MPZL1: variants seen among roughly 807,000 people sequenced by gnomAD.
The protein encoded by MPZL1 is myelin protein zero like 1.
In MPZL1, 16 loss-of-function variants were observed where a neutral mutation model predicts 29.3. The ratio of observed to expected loss-of-function variants is 0.55; its 90% CI spans 0.37 to 0.83. The LOEUF is 0.83. Among genes scored for constraint, MPZL1 ranks in the 40% least tolerant of loss-of-function variants. The pLI is 0.00. For missense variants in MPZL1, 279 were observed against 332.9 expected, an observed-to-expected ratio of 0.84 and a Z score of 1.26; for synonymous variants, 143 against 132.0, an observed-to-expected ratio of 1.08 and a Z score of -0.57.
At chr1:167,767,358 T>G (rs1661135520) in intron 2 of MPZL1, among the ~76,000 whole-genome samples, 1 of 152,216 alleles carries the variant, frequency 6.6e-6, no homozygotes, top group Non-Finnish European at 1.5e-5. Context: ...CCCACTGAAG[T>G]CTTCTGCAAG....
rs200962818 is a variant in MPZL1 at position 167,755,935 on chromosome 1, A to AGG, written c.92-9647_92-9646dup. On this transcript the variant is annotated intron_variant, in intron 1 of 5. Coordinates refer to ENST00000359523, the MANE Select transcript of MPZL1 (RefSeq NM_003953.6). ...AGAGAGATGAACAGTACATATATAG[A>AGG]GGAGGGCAAGAAGAAATCCCAGGGC... Among the ~76,000 whole-genome samples the AGG allele has an allele frequency of 4.5e-3, 688 of 152,272 alleles. 6 individuals carry two copies. Among genetic ancestry groups the AGG allele is most frequent in the African/African-American group, 0.016 (646 of 41,558 alleles).
intron 5 of MPZL1, among the ~76,000 whole-genome samples, chr1:167,777,622 G>A (rs1198972517): frequency 1.3e-5 from 2 of 152,152 alleles, no homozygotes; most frequent in Non-Finnish European, 2.9e-5. Flanking sequence ...GATTTGGAGC[G>A]GGGTCCCCTT....
intron 1 of MPZL1, among the ~76,000 whole-genome samples, chr1:167,761,477 A>C (rs1359179030): frequency 1.3e-5 from 2 of 152,154 alleles, no homozygotes; most frequent in Non-Finnish European, 2.9e-5. Context: ...ATGGGCACAG[A>C]TGCAGGGAGG....
At chr1:167,768,254 T>G (rs1376820283) in intron 2 of MPZL1, among the ~76,000 whole-genome samples, 1 of 152,200 alleles carries the variant, frequency 6.6e-6, no homozygotes, top group African/African-American at 2.4e-5. Context: ...GCCTACCACT[T>G]TAGCCTCACT....
intron 1 of MPZL1, among the ~76,000 whole-genome samples, chr1:167,739,308 T>TATATAC (rs1293142491): frequency 3.8e-5 from 3 of 77,944 alleles, no homozygotes; most frequent in African/African-American, 2.1e-4. Context: ...TATATATATA[T>TATATAC]ACACATATAT....
chr1:167,775,959 T>C (rs1415584549), intron 4 of MPZL1, 105 bp from the exon 5 acceptor site: 4 of 648,618 alleles, frequency 6.2e-6, no homozygotes, highest in African/African-American at 5.7e-5. Flanking sequence ...TGTTTTTATA[T>C]ATCTGTTGCT....
At chr1:167,772,921 T>C (rs1405115203) in intron 3 of MPZL1, among the ~76,000 whole-genome samples, 4 of 152,354 alleles carry the variant, frequency 2.6e-5, no homozygotes, top group African/African-American at 9.6e-5. Context: ...CAGGTTCTGG[T>C]GTCTCATTTT....
At chr1:167,734,211 G>A (rs962853512) in intron 1 of MPZL1, among the ~76,000 whole-genome samples, 3 of 151,508 alleles carry the variant, frequency 2.0e-5, no homozygotes, top group Admixed American at 6.6e-5. Flanking sequence ...AGCCAAGATT[G>A]CGCCACTGCA....
intron 5 of MPZL1, among the ~76,000 whole-genome samples, chr1:167,787,443 G>A (rs1255929225): frequency 1.3e-5 from 2 of 152,154 alleles, no homozygotes; most frequent in Non-Finnish European, 2.9e-5. Flanking sequence ...TCTCAGGTGC[G>A]TGGAAGTTCC....
chr1:167,764,761 GAAT>G (rs1224602940), intron 1 of MPZL1, among the ~76,000 whole-genome samples: 35 of 152,150 alleles, frequency 2.3e-4, no homozygotes, highest in Non-Finnish European at 4.4e-4. Flanking sequence ...GTAGGTGAAT[GAAT>G]AAACTGTGGT....
At chr1:167,742,720 TA>T (rs1412596710) in intron 1 of MPZL1, among the ~76,000 whole-genome samples, 6 of 152,146 alleles carry the variant, frequency 3.9e-5, no homozygotes, top group African/African-American at 1.4e-4. Context: ...AGCTAATGTC[TA>T]GAAGGGTTTT....
chr1:167,737,415 G>A (rs1444724773), intron 1 of MPZL1, among the ~76,000 whole-genome samples: 5 of 152,192 alleles, frequency 3.3e-5, no homozygotes, highest in Non-Finnish European at 7.3e-5. Context: ...ATGAGGCTGG[G>A]GAGGGAACTG....
intron 2 of MPZL1, among the ~76,000 whole-genome samples, chr1:167,766,769 T>C (rs767339771): frequency 2.0e-5 from 3 of 152,170 alleles, no homozygotes; most frequent in Non-Finnish European, 4.4e-5. Context: ...AGACACTGAC[T>C]CAAGAGTTAT....
chr1:167,744,182 T>C (rs755488490), intron 1 of MPZL1, among the ~76,000 whole-genome samples: 20 of 152,090 alleles, frequency 1.3e-4, no homozygotes, highest in Non-Finnish European at 2.4e-4. Context: ...TATGAGAAAC[T>C]GAGGCATGGA....
chr1:167,787,829 A>G lies in MPZL1; in HGVS notation c.718A>G (p.Ile240Val). The change falls in exon 6 of 6, where the codon ATA (isoleucine) becomes GTA (valine). Residue 240 changes from isoleucine to valine, a missense_variant. Physicochemically the swap from Ile to Val is conservative, Grantham distance 29. Transcript: ENST00000359523. The part of the protein sequence containing the change: ...LPSGSHQGPV[I>V]YAQLDHSGGH... ...TGCTTCCCTTTTCCAGGGCCCAGTC[A>G]TATATGCACAGTTAGACCACTCCGG... 1 of 1,612,530 alleles carries G rather than the reference A, an allele frequency of 6.2e-7. No homozygotes were observed. Among genetic ancestry groups the G allele is most frequent in the Non-Finnish European group, 8.5e-7 (1 of 1,178,578 alleles).
At position 167,788,700 on chromosome 1, in the gene MPZL1, C is replaced by T. The variant is rs533265059; in HGVS notation, c.*779C>T. Reference sequence around the variant, plus strand: ...AAGCTTTGCTTGAGAACTTTTGTAACGTGGAGAGTAAAAAGTATCGGTTTT... The same window carrying T: ...AAGCTTTGCTTGAGAACTTTTGTAATGTGGAGAGTAAAAAGTATCGGTTTT... On this transcript the variant is annotated 3_prime_UTR_variant, in exon 6 of 6. Coordinates refer to ENST00000359523, the MANE Select transcript of MPZL1 (RefSeq NM_003953.6). 6.6e-6 allele frequency: 1 copy of T among 152,230 alleles called. No homozygotes were observed. The highest frequency in any genetic ancestry group is 2.1e-4 in the South Asian group (1 of 4,818). 9.4% of individuals were successfully genotyped at this position (152,230 alleles called of 1,614,324 possible). A position where few individuals can be genotyped will look rare whatever the true frequency, so the allele number is the denominator to read the frequency against.
chr1:167,728,328 C>T (rs1401357123), intron 1 of MPZL1, among the ~76,000 whole-genome samples: 1 of 150,752 alleles, frequency 6.6e-6, no homozygotes, highest in East Asian at 1.9e-4. Flanking sequence ...CGTGCCCTGC[C>T]CAAATTTTTT....
At chr1:167,778,570 A>T (rs1349111743) in intron 5 of MPZL1, among the ~76,000 whole-genome samples, 2 of 151,706 alleles carry the variant, frequency 1.3e-5, no homozygotes, top group African/African-American at 4.8e-5. Context: ...GGATGGATAG[A>T]TTTAAAAAAA....
intron 1 of MPZL1, among the ~76,000 whole-genome samples, chr1:167,763,031 C>T (rs1379671310): frequency 6.6e-6 from 1 of 152,098 alleles, no homozygotes; most frequent in Non-Finnish European, 1.5e-5. Context: ...CTGTTTATTA[C>T]CTAACTTTGG....
Sources: gnomAD v4.1 joint callset for allele counts (sites outside exome capture counted in the v4.1 genomes callset) on GRCh38, gnomAD v4.1.1 for gene constraint, MANE v1.5 for transcripts, NCBI Gene and HGNC (gene_info 2026-07-23, HGNC 2026-07-21) for gene names.